The following CDC42BPB variants were observed in gnomAD, a reference collection of about 807,000 sequenced individuals.
The protein encoded by CDC42BPB is serine/threonine-protein kinase MRCK beta.
A neutral mutation model predicts 214.9 loss-of-function variants in CDC42BPB; 37 were observed. That is an observed-to-expected ratio of 0.17 (90% confidence interval 0.13 to 0.23). CDC42BPB has a LOEUF of 0.23. CDC42BPB is among the 10% of genes least tolerant of loss of function. The pLI is 1.00. For synonymous variants in CDC42BPB, 931 were observed against 884.0 expected (o/e 1.05, Z -0.94); for missense variants, 1,694 against 2,227.0 (o/e 0.76, Z 4.82).
chr14:102,975,465 G>C (rs551117119), intron 11 of CDC42BPB, among the ~76,000 whole-genome samples: 19 of 152,308 alleles, frequency 1.2e-4, no homozygotes, highest in African/African-American at 4.3e-4. Context: ...GGAGGTTTCA[G>C]TGAGCTGAGA....
At chr14:103,008,620 T>C (rs1450308492) in intron 2 of CDC42BPB, 65 bp from the exon 3 acceptor site, 30 of 1,588,774 alleles carry the variant, frequency 1.9e-5, no homozygotes, top group Non-Finnish European at 2.5e-5. Context: ...ACGCTGGAGC[T>C]AAACTGTAGT....
chr14:102,983,410 G>T, intron 7 of CDC42BPB, 146 bp downstream of exon 7: 2 of 1,238,616 alleles, frequency 1.6e-6, no homozygotes, highest in Non-Finnish European at 2.2e-6. Flanking sequence ...ACTCCAATCT[G>T]CCTGTCCCCA....
At chr14:102,952,281 G>C (rs868374410) in intron 24 of CDC42BPB, among the ~76,000 whole-genome samples, 2 of 152,200 alleles carry the variant, frequency 1.3e-5, no homozygotes, top group African/African-American at 2.4e-5. Context: ...CGCTTGAGCT[G>C]AACTGTGATT....
At chr14:102,950,934 C>G (rs778273820) in intron 24 of CDC42BPB, among the ~76,000 whole-genome samples, 1 of 152,178 alleles carries the variant, frequency 6.6e-6, no homozygotes, top group Non-Finnish European at 1.5e-5. Flanking sequence ...CTATTGCACT[C>G]CAGCCTGGGC....
In CDC42BPB at chr14:103,027,873, T is replaced by C. The variant is rs537714164; in HGVS notation, c.176-15685A>G. Reference sequence around the variant, plus strand: ...AGCCAGGCGTGGTGGATCACGCCTGTAATCCCAGCACTTTGGGAGGCCAAA... The same window carrying C: ...AGCCAGGCGTGGTGGATCACGCCTGCAATCCCAGCACTTTGGGAGGCCAAA... On this transcript the variant is annotated intron_variant, in intron 1 of 36. Transcript: ENST00000361246. Among the ~76,000 whole-genome samples, 276 of 152,328 alleles carry C rather than the reference T, an allele frequency of 1.8e-3. 2 individuals carry two copies. Among genetic ancestry groups the C allele is most frequent in the African/African-American group, 6.4e-3 (266 of 41,578 alleles).
At chr14:103,028,034 G>A (rs1887147436) in intron 1 of CDC42BPB, among the ~76,000 whole-genome samples, 1 of 152,192 alleles carries the variant, frequency 6.6e-6, no homozygotes, top group Non-Finnish European at 1.5e-5. Flanking sequence ...GGAGGCTGAG[G>A]CAGGAGAATT....
intron 1 of CDC42BPB, among the ~76,000 whole-genome samples, chr14:103,015,821 G>C (rs1886423051): frequency 6.6e-6 from 1 of 151,726 alleles, no homozygotes; most frequent in Admixed American, 6.6e-5. Flanking sequence ...CGATTCTCCT[G>C]CTTCAGCCTC....
chr14:102,976,121 C>T, intron 9 of CDC42BPB, 72 bp from the exon 10 acceptor site: 1 of 1,575,204 alleles, frequency 6.3e-7, no homozygotes, highest in Non-Finnish European at 8.6e-7. Context: ...TTCAATCTTC[C>T]TGAGGTGAAA....
chr14:102,958,887 C>T (rs1220542051), intron 21 of CDC42BPB, among the ~76,000 whole-genome samples: 3 of 151,796 alleles, frequency 2.0e-5, no homozygotes, highest in Non-Finnish European at 4.4e-5. Flanking sequence ...TGCCCAGGCT[C>T]GTCTTGAACT....
In CDC42BPB at chr14:102,967,105, C is replaced by T; in HGVS notation, c.2412G>A (p.Leu804=). Residue 804 remains leucine, a synonymous_variant, in exon 17 of 37, where the codon CTG becomes CTA. Transcript: ENST00000361246. ...GGGCCACTGACTCCTTCTTGGCTGC[C>T]AGATCCTGCAGCTCATCCTCCAGCT... ...NRQLEDELQD[L]AAKKESVAHW... 1.9e-6 allele frequency: 3 copies of T among 1,614,192 alleles called. No homozygotes were observed. The highest frequency in any genetic ancestry group is 2.5e-6 in the Non-Finnish European group (3 of 1,179,990).
At chr14:102,945,571 C>T (rs1201950759) in intron 29 of CDC42BPB, 91 bp downstream of exon 29, 3 of 1,212,070 alleles carry the variant, frequency 2.5e-6, no homozygotes, top group African/African-American at 3.0e-5. Flanking sequence ...GCGCATTTGT[C>T]TTAACCCTTA....
chr14:103,054,863 A>G (rs1168092999), intron 1 of CDC42BPB, among the ~76,000 whole-genome samples: 1 of 152,258 alleles, frequency 6.6e-6, no homozygotes, highest in Non-Finnish European at 1.5e-5. Context: ...CTCATAAAAT[A>G]TGACCTCCAC....
rs993368004 is a variant in CDC42BPB, at chr14:103,032,933, T to TA, written c.176-20746dup. Reference sequence around the variant, plus strand: ...TGCCCGGCCACAAATCCACTTTTTTTAAAAAAAAAAAAAAAGGAAATTTAA... The same window carrying TA: ...TGCCCGGCCACAAATCCACTTTTTTTAAAAAAAAAAAAAAAAGGAAATTTAA... On this transcript the variant is annotated intron_variant, in intron 1 of 36. Transcript: ENST00000361246. Among the ~76,000 whole-genome samples the TA allele has an allele frequency of 7.8e-3, 1,099 of 141,304 alleles. 14 individuals are homozygous for TA. Among genetic ancestry groups the TA allele is most frequent in the African/African-American group, 0.021 (799 of 38,442 alleles). The allele number at this position is 141,304 out of a possible 152,430, so 92.7% of individuals were successfully genotyped here.
intron 1 of CDC42BPB, among the ~76,000 whole-genome samples, chr14:103,046,207 T>C (rs1211064314): frequency 6.6e-6 from 1 of 151,804 alleles, no homozygotes; most frequent in Non-Finnish European, 1.5e-5. Flanking sequence ...CTGACAGCTA[T>C]GCCCCCCAAC....
chr14:103,001,838 G>A lies in CDC42BPB; in HGVS notation c.447+2090C>T, dbSNP rs1895000095. 6.6e-6 allele frequency among the ~76,000 whole-genome samples: 1 copy of A among 152,168 alleles called. No homozygotes were observed. Among genetic ancestry groups the A allele is most frequent in the South Asian group, 2.1e-4 (1 of 4,830 alleles). On this transcript the variant is annotated intron_variant, in intron 4 of 36. Coordinates refer to ENST00000361246, the MANE Select transcript of CDC42BPB (RefSeq NM_006035.4). This position sits in a 1 kb window ranked among gnomAD's most constrained non-coding sequence, Gnocchi z 5.8. Reference sequence around the variant, plus strand: ...CCCCAGCCGCGTCCACGTCTGCCGAGAACTCTAAGAGGAGGAGCTTCCTAC... The same window carrying A: ...CCCCAGCCGCGTCCACGTCTGCCGAAAACTCTAAGAGGAGGAGCTTCCTAC...
rs1340156284 is a variant in CDC42BPB, at chr14:103,013,090, CAA to C, written c.176-904_176-903del. 3.9e-5 allele frequency among the ~76,000 whole-genome samples: 6 copies of C among 152,344 alleles called. No homozygotes were observed. In the East Asian group the frequency reaches 9.6e-4, roughly 24 times the overall value. ...ATCTATCATAGCAAACATCATCACA[CAA>C]AAGTCTCCTAGTCAAAGCCAATAGG... is the stretch of plus-strand genomic sequence containing the variant. On this transcript the variant is annotated intron_variant, in intron 1 of 36. Coordinates refer to ENST00000361246, the MANE Select transcript of CDC42BPB (RefSeq NM_006035.4).
chr14:102,974,280 T>TCA (rs1893631154), intron 11 of CDC42BPB, 131 bp from the exon 12 acceptor site: 2 of 1,213,434 alleles, frequency 1.6e-6, no homozygotes, highest in East Asian at 2.9e-5. Flanking sequence ...GTTTTTTTAC[T>TCA]TACACACACA....
At chr14:102,983,786 C>A (rs553785673) in intron 6 of CDC42BPB, 30 bp from the exon 7 acceptor site, 2 of 1,599,414 alleles carry the variant, frequency 1.3e-6, no homozygotes, top group Admixed American at 1.7e-5. Flanking sequence ...CTGAAGGAAA[C>A]CCTAGGGCAT....
At position 102,975,990 on chromosome 14, in the gene CDC42BPB, T is replaced by C. The variant is rs749179808; in HGVS notation, c.1280A>G (p.Asp427Gly). Reference protein sequence around the residue: ...SIMQSNTLTKDEDVQRDLEHS... With the variant: ...SIMQSNTLTKGEDVQRDLEHS... ...CTCCAGGTCCCGCTGCACATCCTCA[T>C]CTTTGGTTAATGTGTTGGACTGCAT... Residue 427 changes from aspartate to glycine, a missense_variant, in exon 10 of 37, where the codon GAT (aspartate) becomes GGT (glycine). Physicochemically the swap from Asp to Gly is moderately conservative, Grantham distance 94. Around this residue, in one of 7 missense-constraint regions of CDC42BPB, gnomAD observed 462 missense variants for 513.5 expected, o/e 0.90. Transcript: ENST00000361246. 1 of 1,614,230 alleles carries C rather than the reference T, an allele frequency of 6.2e-7. No individual in the cohort carries two copies. The highest frequency in any genetic ancestry group is 1.1e-5 in the South Asian group (1 of 91,088).
Sources: gnomAD v4.1 joint callset for allele counts (sites outside exome capture counted in the v4.1 genomes callset) on GRCh38, gnomAD v4.1.1 for gene constraint, gnomAD v4.1.1 regional missense constraint, Gnocchi (gnomAD v3.1) non-coding constraint, MANE v1.5 for transcripts, NCBI Gene and HGNC (gene_info 2026-07-23, HGNC 2026-07-21) for gene names.